The following LMX1A variants were observed in gnomAD, a reference collection of about 807,000 sequenced individuals.
The protein encoded by LMX1A is LIM homeobox transcription factor 1 alpha, also known as LIM homeobox transcription factor 1-alpha.
A neutral mutation model predicts 49.1 loss-of-function variants in LMX1A; 15 were observed. That is an observed-to-expected ratio of 0.31 (90% CI 0.20 to 0.47). The LOEUF is 0.47. LMX1A is among the 20% of genes least tolerant of loss of function. The probability of loss-of-function intolerance (pLI) is 1.00; values close to 1 mark genes in which losing one functional copy is unlikely to be tolerated. For synonymous variants in LMX1A, 167 were observed against 185.7 expected, an observed-to-expected ratio of 0.90 and a Z score of 0.82; for missense variants, 372 against 475.8, an observed-to-expected ratio of 0.78 and a Z score of 2.03.
At chr1:165,335,547 T>A (rs982293632) in intron 3 of LMX1A, among the ~76,000 whole-genome samples, 8 of 152,124 alleles carry the variant, frequency 5.3e-5, no homozygotes, top group Non-Finnish European at 1.0e-4. Context: ...ATTATTTCCT[T>A]CCTGACAGCT....
chr1:165,261,646 T>C (rs950251506), intron 3 of LMX1A, among the ~76,000 whole-genome samples: 38 of 152,316 alleles, frequency 2.5e-4, no homozygotes, highest in Middle Eastern at 3.4e-3. Context: ...CAGGTGTCAC[T>C]GACAGAGGAA....
rs762945171 is a variant in LMX1A at position 165,355,006 on chromosome 1, A to G, written c.76+478T>C. The stretch of plus-strand genomic sequence containing the variant: ...GTCTAATCCCCGCGCTGCGTTGCCT[A>G]CTGGCCCAGAAAAGTCTCTCTCGGC... On this transcript the variant is annotated intron_variant, in intron 2 of 8. Coordinates refer to ENST00000342310, the MANE Select transcript of LMX1A (RefSeq NM_177398.4). The surrounding 1 kb of genome is among the most constrained non-coding windows in gnomAD (Gnocchi z 4.7). Among the ~76,000 whole-genome samples, 5 of 152,264 alleles carry G rather than the reference A, an allele frequency of 3.3e-5. No homozygotes were observed. The highest frequency in any genetic ancestry group is 4.8e-5 in the African/African-American group (2 of 41,576).
intron 3 of LMX1A, among the ~76,000 whole-genome samples, chr1:165,327,119 T>A (rs945903899): frequency 1.3e-5 from 2 of 152,026 alleles, no homozygotes; most frequent in Non-Finnish European, 2.9e-5. Flanking sequence ...AGGTTTGAGA[T>A]CCAGAAGTCA....
rs1441251031 is a variant in LMX1A at position 165,324,810 on chromosome 1, A to C, written c.263+28266T>G. Among the ~76,000 whole-genome samples, 3 of 152,300 alleles carry C rather than the reference A, an allele frequency of 2.0e-5. No individual in the cohort carries two copies. In the East Asian group the frequency reaches 5.8e-4, roughly 29 times the overall value. ...GAAACTGAGGTTCAAAGGGCATCTT[A>C]AGCCCAGGTTTTCTGACTCCAAATA... On this transcript the variant is annotated intron_variant, in intron 3 of 8. Coordinates refer to ENST00000342310, the MANE Select transcript of LMX1A (RefSeq NM_177398.4).
intron 3 of LMX1A, among the ~76,000 whole-genome samples, chr1:165,277,882 G>A (rs923102103): frequency 2.6e-5 from 4 of 152,202 alleles, no homozygotes; most frequent in African/African-American, 9.7e-5. Flanking sequence ...GGACTCTATG[G>A]TTGAGCATCA....
intron 4 of LMX1A, among the ~76,000 whole-genome samples, chr1:165,241,800 C>T (rs550659203): frequency 3.9e-5 from 6 of 151,990 alleles, no homozygotes; most frequent in South Asian, 2.1e-4. Flanking sequence ...ACTTTTGTAA[C>T]GAATTGAAAA....
intron 3 of LMX1A, among the ~76,000 whole-genome samples, chr1:165,292,156 C>CT (rs1373430849): frequency 1.3e-5 from 2 of 150,598 alleles, no homozygotes; most frequent in African/African-American, 4.9e-5. Context: ...GTCTAACTTA[C>CT]TTCTGGCTTT....
chr1:165,245,029 A>G (rs1652793330), intron 4 of LMX1A, among the ~76,000 whole-genome samples: 1 of 152,170 alleles, frequency 6.6e-6, no homozygotes, highest in Admixed American at 6.5e-5. Flanking sequence ...GTAGCTGTGA[A>G]CGTGTCACAT....
Position 165,203,850 on chromosome 1 carries a change from G to C in LMX1A, c.*30C>G, listed in dbSNP as rs1424131234. ...CAAAGAATATGGTTGTTCCATATGG[G>C]AGCCTAGTCACAGAACTCTAGGGGA... is the stretch of plus-strand genomic sequence containing the variant. On this transcript the variant is annotated 3_prime_UTR_variant, in exon 9 of 9. Transcript: ENST00000342310. The C allele has an allele frequency of 3.1e-6, 5 of 1,607,920 alleles. No individual in the cohort carries two copies. Among genetic ancestry groups the C allele is most frequent in the Non-Finnish European group, 3.4e-6 (4 of 1,174,860 alleles).
At chr1:165,283,983 A>G (rs1340627698) in intron 3 of LMX1A, among the ~76,000 whole-genome samples, 1 of 152,238 alleles carries the variant, frequency 6.6e-6, no homozygotes, top group Non-Finnish European at 1.5e-5. Context: ...AGGTAAAGAT[A>G]CAAACTCATT....
Position 165,355,724 on chromosome 1 carries a change from T to C in LMX1A, c.-22-143A>G, listed in dbSNP as rs1210606589. On this transcript the variant is annotated intron_variant, in intron 1 of 8. Coordinates refer to ENST00000342310, the MANE Select transcript of LMX1A (RefSeq NM_177398.4). This position sits in a 1 kb window ranked among gnomAD's most constrained non-coding sequence, Gnocchi z 4.7. ...GGAGGATAGGGTCCAGCCAAGAGAATGTAGGGTGGGAGGAGAGATCAGTCA... is the reference window on the plus strand; with the variant it reads ...GGAGGATAGGGTCCAGCCAAGAGAACGTAGGGTGGGAGGAGAGATCAGTCA... 11 of 639,790 alleles carry C rather than the reference T, an allele frequency of 1.7e-5. No homozygotes were observed. The East Asian group carries it at 2.2e-4, about 13-fold the overall frequency. The allele number at this position is 639,790 out of a possible 1,614,324, so 39.6% of individuals were successfully genotyped here.
chr1:165,353,581 A>C (rs1055112921), intron 2 of LMX1A, among the ~76,000 whole-genome samples: 1 of 152,192 alleles, frequency 6.6e-6, no homozygotes, highest in African/African-American at 2.4e-5. Flanking sequence ...ATTACATACA[A>C]ATTTGTGCTC....
intron 3 of LMX1A, among the ~76,000 whole-genome samples, chr1:165,316,605 G>C (rs115811610): frequency 1.3e-5 from 2 of 152,178 alleles, no homozygotes; most frequent in East Asian, 3.8e-4. Flanking sequence ...TGAGACATAC[G>C]CACAAGTGCT....
intron 3 of LMX1A, among the ~76,000 whole-genome samples, chr1:165,281,129 A>C (rs979314586): frequency 6.6e-6 from 1 of 152,218 alleles, no homozygotes; most frequent in African/African-American, 2.4e-5. Flanking sequence ...TCCCCATAAA[A>C]TGAGAATAAC....
chr1:165,343,473 C>A (rs1310948659), intron 3 of LMX1A, among the ~76,000 whole-genome samples: 2 of 151,844 alleles, frequency 1.3e-5, no homozygotes, highest in South Asian at 2.1e-4. Flanking sequence ...TACCAAAAGG[C>A]CTTTCAGGTT....
At chr1:165,345,962 T>C (rs923538124) in intron 3 of LMX1A, among the ~76,000 whole-genome samples, 1 of 152,200 alleles carries the variant, frequency 6.6e-6, no homozygotes, top group Non-Finnish European at 1.5e-5. Flanking sequence ...AAATAGAGTT[T>C]AAGCAACATC....
intron 3 of LMX1A, among the ~76,000 whole-genome samples, chr1:165,315,165 C>T (rs941852992): frequency 2.0e-5 from 3 of 152,200 alleles, no homozygotes; most frequent in African/African-American, 7.2e-5. Context: ...CTGTTCTCTA[C>T]CCCTCCCTGT....
At chr1:165,251,812 C>T (rs959134260) in intron 3 of LMX1A, among the ~76,000 whole-genome samples, 3 of 152,198 alleles carry the variant, frequency 2.0e-5, no homozygotes, top group African/African-American at 7.2e-5. Context: ...GTGACTGCCC[C>T]TCCTTTGAAT....
chr1:165,206,020 C>T lies in LMX1A; in HGVS notation c.832G>A (p.Gly278Ser). The stretch of plus-strand genomic sequence containing the variant: ...ATTCCTTCCATCCCAGCACTCCCAC[C>T]ACCGTTTGTCTGAGCTGTGGAACAA... ...QRLSSAQTNGGGSAGMEGIMN... is the reference protein window; with the variant it reads ...QRLSSAQTNGSGSAGMEGIMN... Residue 278 changes from glycine (G) to serine (S), a missense_variant, in exon 8 of 9, where the codon GGT becomes AGT. By Grantham distance (56) the Gly-to-Ser change is moderately conservative. Around this residue, in one of 3 missense-constraint regions of LMX1A, gnomAD observed 127 missense variants for 138.0 expected, o/e 0.92. Transcript: ENST00000342310. The T allele has an allele frequency of 6.4e-7, 1 of 1,566,236 alleles. No homozygotes were observed. The highest frequency in any genetic ancestry group is 1.4e-5 in the African/African-American group (1 of 72,818).
Sources: allele counts gnomAD v4.1 joint callset (sites outside exome capture counted in the v4.1 genomes callset), GRCh38; gene constraint gnomAD v4.1.1; regional missense constraint gnomAD v4.1.1; non-coding constraint Gnocchi (gnomAD v3.1); transcripts MANE v1.5; gene names NCBI Gene and HGNC (gene_info 2026-07-23, HGNC 2026-07-21).